Variants in EPB41L1 observed in about 807,000 individuals in gnomAD.
The protein encoded by EPB41L1 is erythrocyte membrane protein band 4.1 like 1, also known as band 4.1-like protein 1.
A neutral mutation model predicts 97.8 loss-of-function variants in EPB41L1; 29 were observed. That is an observed-to-expected ratio of 0.30 (90% CI 0.22 to 0.40). The LOEUF is 0.40. Ranked by LOEUF, EPB41L1 falls within the 10% of genes least tolerant of loss-of-function variation. EPB41L1 has a pLI of 1.00. For synonymous variants in EPB41L1, 383 were observed against 459.2 expected, an observed-to-expected ratio of 0.83 and a Z score of 2.12; for missense variants, 812 against 1,162.3, an observed-to-expected ratio of 0.70 and a Z score of 4.38.
intron 2 of EPB41L1, among the ~76,000 whole-genome samples, chr20:36,114,585 C>T (rs1031842679): frequency 6.6e-6 from 1 of 152,114 alleles, no homozygotes; most frequent in South Asian, 2.1e-4. Flanking sequence ...AAAAACTTAA[C>T]TCAAAGTGGC....
At chr20:36,129,566 T>G (rs1419815867) in intron 2 of EPB41L1, among the ~76,000 whole-genome samples, 2 of 152,050 alleles carry the variant, frequency 1.3e-5, no homozygotes, top group African/African-American at 4.8e-5. Flanking sequence ...CCAGGCTCAC[T>G]GCTCCCGAAG....
intron 2 of EPB41L1, among the ~76,000 whole-genome samples, chr20:36,139,094 C>T (rs1401208404): frequency 6.6e-6 from 1 of 152,204 alleles, no homozygotes; most frequent in East Asian, 1.9e-4. Context: ...GTGGTGATTG[C>T]CTTGTGGATC....
At chr20:36,132,013 C>G (rs1055821906) in intron 2 of EPB41L1, among the ~76,000 whole-genome samples, 1 of 152,138 alleles carries the variant, frequency 6.6e-6, no homozygotes, top group Non-Finnish European at 1.5e-5. Flanking sequence ...AGGCCTGTTC[C>G]CCAGAGGTAT....
intron 20 of EPB41L1, 28 bp downstream of exon 20, chr20:36,221,972 G>A: frequency 6.2e-7 from 1 of 1,609,584 alleles, no homozygotes; most frequent in Non-Finnish European, 8.5e-7. Context: ...GTTCTTCCCA[G>A]TGCCACTGCC....
At chr20:36,177,139 C>T (rs112467424) in intron 3 of EPB41L1, among the ~76,000 whole-genome samples, 4 of 152,252 alleles carry the variant, frequency 2.6e-5, no homozygotes, top group Admixed American at 6.5e-5. Context: ...GGCTTGGTCC[C>T]GAGGGCCCAG....
Position 36,093,574 on chromosome 20 carries a change from T to C in EPB41L1, c.-65+1962T>C, listed in dbSNP as rs1442205364. Reference sequence around the variant, plus strand: ...CGGGCAGAGACTCCCTGCTGGCAGGTGGGCGGCCACACCCCGGGGGTCGGG... The same window carrying C: ...CGGGCAGAGACTCCCTGCTGGCAGGCGGGCGGCCACACCCCGGGGGTCGGG... On this transcript the variant is annotated intron_variant, in intron 1 of 19. Coordinates refer to the EPB41L1 transcript ENST00000202028. The surrounding 1 kb of genome is among the most constrained non-coding windows in gnomAD (Gnocchi z 5.4). Among the ~76,000 whole-genome samples the C allele has an allele frequency of 6.6e-6, 1 of 151,732 alleles. No individual in the cohort carries two copies. The highest frequency in any genetic ancestry group is 1.5e-5 in the Non-Finnish European group (1 of 67,910).
intron 1 of EPB41L1, chr20:36,112,278 C>T (rs1258769668): frequency 6.6e-6 from 1 of 152,236 alleles, no homozygotes; most frequent in Non-Finnish European, 1.5e-5. Context: ...ATTTTGCTTT[C>T]CGCCTTGTCA....
chr20:36,197,989 C>T lies in EPB41L1; in HGVS notation c.1616C>T (p.Pro539Leu). 1.9e-6 allele frequency: 3 copies of T among 1,613,916 alleles called. No individual in the cohort carries two copies. The highest frequency in any genetic ancestry group is 2.5e-6 in the Non-Finnish European group (3 of 1,179,994). ...GACTGGGAACGGGAGCGCAGGCTGC[C>T]CTCCTCCCCCGCCTCCCCCTCCCCC... ...DRDWERERRL[P>L]SSPASPSPKG... is the part of the protein sequence containing the mutation. The change falls in exon 14 of 22, where the codon CCC becomes CTC. Residue 539 changes from proline (P) to leucine (L), a missense_variant. Coordinates refer to ENST00000338074, the MANE Select transcript of EPB41L1 (RefSeq NM_012156.2).
chr20:36,211,662 T>C (rs1306574519), intron 15 of EPB41L1, among the ~76,000 whole-genome samples: 1 of 152,154 alleles, frequency 6.6e-6, no homozygotes, highest in South Asian at 2.1e-4. Flanking sequence ...AAGAACAGCC[T>C]GGCCAACATG....
intron 16 of EPB41L1, among the ~76,000 whole-genome samples, chr20:36,213,777 A>G (rs1158475881): frequency 3.3e-5 from 5 of 152,230 alleles, no homozygotes; most frequent in Non-Finnish European, 5.9e-5. Flanking sequence ...AGAAAAAAAT[A>G]TAAGCCTATT....
Position 36,194,162 on chromosome 20 carries a change from T to G in EPB41L1, c.1301-50T>G, listed in dbSNP as rs1031022694. On this transcript the variant is annotated intron_variant, in intron 11 of 21. Coordinates refer to ENST00000338074, the MANE Select transcript of EPB41L1 (RefSeq NM_012156.2). ...AGGGCTGGGCTGGTTCTCTGTCTGTTCTCTGGGAGGGGTCTCACATGGTTG... is the reference window on the plus strand; with the variant it reads ...AGGGCTGGGCTGGTTCTCTGTCTGTGCTCTGGGAGGGGTCTCACATGGTTG... 3.7e-6 allele frequency: 6 copies of G among 1,611,462 alleles called. No homozygotes were observed. The Admixed American group carries it at 1.0e-4, about 27-fold the overall frequency.
intron 1 of EPB41L1, among the ~76,000 whole-genome samples, chr20:36,101,604 G>T (rs1353972994): frequency 1.3e-5 from 2 of 152,176 alleles, no homozygotes; most frequent in Non-Finnish European, 2.9e-5. Flanking sequence ...AGGGGGAGCA[G>T]CTTAGCACCC....
At chr20:36,219,045 C>A in intron 18 of EPB41L1, 83 bp downstream of exon 18, 1 of 1,434,020 alleles carries the variant, frequency 7.0e-7, no homozygotes, top group Non-Finnish European at 9.7e-7. Flanking sequence ...GCAGGAAGTG[C>A]AGCGTTGAGC....
intron 13 of EPB41L1, among the ~76,000 whole-genome samples, chr20:36,196,938 C>T (rs1428086135): frequency 6.6e-6 from 1 of 152,228 alleles, no homozygotes; most frequent in Non-Finnish European, 1.5e-5. Flanking sequence ...GGAACACTAC[C>T]CATATAGGTA....
chr20:36,206,412 C>T lies in EPB41L1; in HGVS notation c.1669-3076C>T, dbSNP rs1394228440. On this transcript the variant is annotated intron_variant, in intron 14 of 21. Coordinates refer to ENST00000338074, the MANE Select transcript of EPB41L1 (RefSeq NM_012156.2). The surrounding 1 kb of genome is among the most constrained non-coding windows in gnomAD (Gnocchi z 5.5). Reference sequence around the variant, plus strand: ...AGTCGTTTCTATTGGATCCAGCCCACGCAGAAGCCAGAGCTGAGTTGAGCA... The same window carrying T: ...AGTCGTTTCTATTGGATCCAGCCCATGCAGAAGCCAGAGCTGAGTTGAGCA... 13 of 1,290,000 alleles carry T rather than the reference C, an allele frequency of 1.0e-5. No homozygotes were observed. In the Admixed American group the frequency reaches 2.1e-4, roughly 20 times the overall value. The allele number at this position is 1,290,000 out of a possible 1,614,324, so 79.9% of individuals were successfully genotyped here.
intron 13 of EPB41L1, among the ~76,000 whole-genome samples, chr20:36,196,124 C>G (rs1357342639): frequency 6.6e-6 from 1 of 152,168 alleles, no homozygotes; most frequent in Non-Finnish European, 1.5e-5. Context: ...CTTGGGCTGC[C>G]AAGGTAAAGG....
At chr20:36,229,287 C>T in intron 21 of EPB41L1, 45 bp from the exon 22 acceptor site, 7 of 1,367,592 alleles carry the variant, frequency 5.1e-6, no homozygotes, top group Non-Finnish European at 7.2e-6. Flanking sequence ...CTTCCTTTCC[C>T]CCCACTCCCC....
At position 36,195,761 on chromosome 20, in the gene EPB41L1, C is replaced by T. The variant is rs1281184944; in HGVS notation, c.1485+397C>T. 1.3e-5 allele frequency among the ~76,000 whole-genome samples: 2 copies of T among 152,186 alleles called. No individual in the cohort carries two copies. Among genetic ancestry groups the T allele is most frequent in the Non-Finnish European group, 2.9e-5 (2 of 68,038 alleles). On this transcript the variant is annotated intron_variant, in intron 13 of 21. Coordinates refer to ENST00000338074, the MANE Select transcript of EPB41L1 (RefSeq NM_012156.2). This position sits in a 1 kb window ranked among gnomAD's most constrained non-coding sequence, Gnocchi z 4.6. ...CCCCTTCCCTAGATTCATCTCCTGCCCGACAGCACTGTTTGGTCTCGCCTC... is the reference window on the plus strand; with the variant it reads ...CCCCTTCCCTAGATTCATCTCCTGCTCGACAGCACTGTTTGGTCTCGCCTC...
At chr20:36,172,594 GTTTTTCT>G (rs2061040622) in intron 1 of EPB41L1, among the ~76,000 whole-genome samples, 1 of 152,014 alleles carries the variant, frequency 6.6e-6, no homozygotes, top group African/African-American at 2.4e-5. Context: ...TTACTGTTTT[GTTTTTCT>G]TTTTTCTTTT....
Sources: allele counts gnomAD v4.1 joint callset (sites outside exome capture counted in the v4.1 genomes callset), GRCh38; gene constraint gnomAD v4.1.1; non-coding constraint Gnocchi (gnomAD v3.1); transcripts MANE v1.5; gene names NCBI Gene and HGNC (gene_info 2026-07-23, HGNC 2026-07-21).